The following TNR variants were observed in gnomAD, a reference collection of about 807,000 sequenced individuals.
The protein encoded by TNR is tenascin-R.
TNR carries 45 observed loss-of-function variants against 150.4 expected under a neutral mutation model. The ratio of observed to expected loss-of-function variants is 0.30; its 90% CI spans 0.24 to 0.38. The LOEUF is 0.38. Ranked by LOEUF, TNR falls within the 10% of genes least tolerant of loss-of-function variation. TNR has a pLI of 1.00. For missense variants in TNR, 1,544 were observed against 1,759.1 expected (o/e 0.88, Z 2.19); for synonymous variants, 687 against 678.4 (o/e 1.01, Z -0.20).
At chr1:175,426,062 G>A (rs1395141821) in intron 2 of TNR, among the ~76,000 whole-genome samples, 1 of 152,188 alleles carries the variant, frequency 6.6e-6, no homozygotes, top group East Asian at 1.9e-4. Flanking sequence ...TTGGCTGCTA[G>A]AGGAAGCTGT....
chr1:175,480,419 A>AAAAGAAAG (rs200828309), intron 2 of TNR, among the ~76,000 whole-genome samples: 41 of 111,030 alleles, frequency 3.7e-4, no homozygotes, highest in African/African-American at 9.9e-4. Context: ...AAAGAAAGAA[A>AAAAGAAAG]AAAGAAAGAA....
intron 2 of TNR, among the ~76,000 whole-genome samples, chr1:175,464,886 G>C (rs1656964964): frequency 6.6e-6 from 1 of 152,206 alleles, no homozygotes; most frequent in Non-Finnish European, 1.5e-5. Flanking sequence ...TTCACCACCA[G>C]TTCGCTGCTA....
intron 1 of TNR, among the ~76,000 whole-genome samples, chr1:175,529,550 G>T (rs1178585587): frequency 6.6e-6 from 1 of 152,190 alleles, no homozygotes; most frequent in South Asian, 2.1e-4. Flanking sequence ...CAGGGCCCAG[G>T]ACTGGGAGGT....
intron 2 of TNR, among the ~76,000 whole-genome samples, chr1:175,502,235 C>T (rs761649850): frequency 2.9e-4 from 44 of 152,132 alleles, no homozygotes; most frequent in Admixed American, 1.2e-3. Flanking sequence ...AAGCTTCCCA[C>T]GTAACCCTAA....
At chr1:175,551,536 A>G (rs1660935647) in intron 1 of TNR, among the ~76,000 whole-genome samples, 1 of 152,230 alleles carries the variant, frequency 6.6e-6, no homozygotes, top group South Asian at 2.1e-4. Flanking sequence ...AGTGTTGCAG[A>G]CTTAGAAAGC....
chr1:175,560,661 T>C lies in TNR; in HGVS notation c.-164-32292A>G, dbSNP rs1002073370. Among the ~76,000 whole-genome samples the C allele has an allele frequency of 5.9e-5, 9 of 152,262 alleles. No individual in the cohort carries two copies. In the East Asian group the frequency reaches 9.6e-4, roughly 16 times the overall value. On this transcript the variant is annotated intron_variant, in intron 1 of 22. Coordinates refer to ENST00000367674, the MANE Select transcript of TNR (RefSeq NM_003285.3). ...GTAATTCATCTTAGGATTTCTATAA[T>C]GATCAGTATCAAATCCAGCAGGCTG... is the stretch of plus-strand genomic sequence containing the variant.
chr1:175,587,416 T>C (rs1662617324), intron 1 of TNR, among the ~76,000 whole-genome samples: 1 of 152,218 alleles, frequency 6.6e-6, no homozygotes, highest in African/African-American at 2.4e-5. Flanking sequence ...TTTTCTCTTT[T>C]ATAAAACTGA....
chr1:175,482,577 T>C (rs1324154000), intron 2 of TNR, among the ~76,000 whole-genome samples: 1 of 152,174 alleles, frequency 6.6e-6, no homozygotes, highest in East Asian at 1.9e-4. Flanking sequence ...CAAAGAACAG[T>C]AACATTCTGT....
chr1:175,598,171 T>C (rs984803270), intron 1 of TNR, among the ~76,000 whole-genome samples: 6 of 152,146 alleles, frequency 3.9e-5, no homozygotes, highest in African/African-American at 1.4e-4. Flanking sequence ...AGTAACAGTC[T>C]CCAGAAATCA....
intron 1 of TNR, chr1:175,539,076 C>T (rs1660400733): frequency 6.6e-6 from 1 of 152,186 alleles, no homozygotes; most frequent in Admixed American, 6.5e-5. Flanking sequence ...TCTGGTCTCC[C>T]CAGTCGGTGA....
chr1:175,676,155 G>C (rs1177540420), intron 1 of TNR, among the ~76,000 whole-genome samples: 1 of 152,134 alleles, frequency 6.6e-6, no homozygotes, highest in Non-Finnish European at 1.5e-5. Flanking sequence ...TAAGATTAGG[G>C]CAAGAAAGCT....
intron 1 of TNR, among the ~76,000 whole-genome samples, chr1:175,651,416 G>A (rs531399816): frequency 6.6e-6 from 1 of 151,874 alleles, no homozygotes; most frequent in African/African-American, 2.4e-5. Context: ...AAGCATAAAG[G>A]TTTTTTGCCC....
chr1:175,443,401 A>G (rs531745797), intron 2 of TNR, among the ~76,000 whole-genome samples: 2 of 152,250 alleles, frequency 1.3e-5, no homozygotes, highest in South Asian at 2.1e-4. Context: ...CCCTACCTCT[A>G]CTAACTGCTC....
chr1:175,671,989 G>T (rs555955136), intron 1 of TNR, among the ~76,000 whole-genome samples: 2 of 150,936 alleles, frequency 1.3e-5, no homozygotes, highest in Non-Finnish European at 2.9e-5. Flanking sequence ...TAACTGAAGG[G>T]CACAGGCTTT....
Position 175,651,951 on chromosome 1 carries a change from A to AT in TNR, c.-165+91274dup, listed in dbSNP as rs538152211. 4.2e-4 allele frequency among the ~76,000 whole-genome samples: 64 copies of AT among 151,286 alleles called. 1 individual carries two copies. In the South Asian group the frequency reaches 0.013, roughly 30 times the overall value. On this transcript the variant is annotated intron_variant, in intron 1 of 22. Coordinates refer to ENST00000367674, the MANE Select transcript of TNR (RefSeq NM_003285.3). ...TATGTTCATGGATGAAATAAGAATA[A>AT]TTATATTATTATTTTAATATATTCA...
chr1:175,553,879 G>C (rs980800249), intron 1 of TNR, among the ~76,000 whole-genome samples: 2 of 148,082 alleles, frequency 1.4e-5, no homozygotes, highest in African/African-American at 2.5e-5. Flanking sequence ...GGAAAAACAG[G>C]ATTCAAAATG....
intron 1 of TNR, among the ~76,000 whole-genome samples, chr1:175,539,503 C>T (rs1216541221): frequency 3.3e-5 from 5 of 152,264 alleles, no homozygotes; most frequent in African/African-American, 9.6e-5. Flanking sequence ...TTTCAGAAAT[C>T]GGAAAGATTA....
chr1:175,702,023 C>T (rs2101927743), intron 1 of TNR, among the ~76,000 whole-genome samples: 1 of 152,352 alleles, frequency 6.6e-6, no homozygotes, highest in East Asian at 1.9e-4. Flanking sequence ...ATTTTATTTA[C>T]TGACAGATTG....
chr1:175,541,816 T>C (rs1053138831), intron 1 of TNR, among the ~76,000 whole-genome samples: 2 of 152,198 alleles, frequency 1.3e-5, no homozygotes, highest in Non-Finnish European at 2.9e-5. Flanking sequence ...AAAGTCTCTC[T>C]AAGCTTCCAT....
Sources: allele counts gnomAD v4.1 joint callset (sites outside exome capture counted in the v4.1 genomes callset), GRCh38; gene constraint gnomAD v4.1.1; transcripts MANE v1.5; gene names NCBI Gene and HGNC (gene_info 2026-07-23, HGNC 2026-07-21).